GALNT17: variants seen among roughly 807,000 people sequenced by gnomAD.
The protein encoded by GALNT17 is UDP-GalNAc:polypeptide N-acetylgalactosaminyltransferase-like 3.
GALNT17 carries 29 observed loss-of-function variants against 63.7 expected under a neutral mutation model. The ratio of observed to expected loss-of-function variants is 0.46; its 90% CI spans 0.34 to 0.62. The LOEUF is 0.62. Among genes scored for constraint, GALNT17 ranks in the 20% least tolerant of loss-of-function variants. The pLI is 0.01. For missense variants in GALNT17, 603 were observed against 799.6 expected, an observed-to-expected ratio of 0.75 and a Z score of 2.97; for synonymous variants, 305 against 318.3, an observed-to-expected ratio of 0.96 and a Z score of 0.45.
At chr7:71,668,745 G>A (rs1791023358) in intron 7 of GALNT17, among the ~76,000 whole-genome samples, 1 of 152,052 alleles carries the variant, frequency 6.6e-6, no homozygotes, top group South Asian at 2.1e-4. Context: ...TGGCCATCTT[G>A]CAGCTGAGTC....
chr7:71,562,920 G>T (rs976661102), intron 5 of GALNT17, among the ~76,000 whole-genome samples: 1 of 152,150 alleles, frequency 6.6e-6, no homozygotes, highest in African/African-American at 2.4e-5. Flanking sequence ...AGGAGGGGAA[G>T]CATCTAGAAT....
chr7:71,627,580 G>A (rs1188340911), intron 6 of GALNT17, among the ~76,000 whole-genome samples: 5 of 152,142 alleles, frequency 3.3e-5, no homozygotes, highest in African/African-American at 1.2e-4. Flanking sequence ...GTACAACCAC[G>A]GCCTCCCCCT....
In GALNT17 at chr7:71,335,767, T is replaced by C. The variant is rs200340584; in HGVS notation, c.422+34T>C. 129 of 1,557,168 alleles carry C rather than the reference T, an allele frequency of 8.3e-5. No individual in the cohort carries two copies. The African/African-American group carries it at 1.6e-3, about 20-fold the overall frequency. On this transcript the variant is annotated intron_variant, in intron 2 of 10. Transcript: ENST00000333538. ...TGGTTCAGTCATTTGCGGAGCTTGA[T>C]GGGTCGTCAGAGTGGGTGTAGACCC...
At chr7:71,600,181 T>C (rs1789945095) in intron 6 of GALNT17, among the ~76,000 whole-genome samples, 1 of 149,780 alleles carries the variant, frequency 6.7e-6, no homozygotes, top group African/African-American at 2.5e-5. Flanking sequence ...GGAGCCACAG[T>C]GTATAAGCAG....
intron 5 of GALNT17, among the ~76,000 whole-genome samples, chr7:71,525,457 C>T (rs773206623): frequency 3.8e-4 from 58 of 152,226 alleles, no homozygotes; most frequent in Non-Finnish European, 2.5e-4. Flanking sequence ...CTGCCCTCCT[C>T]GGCCTCCCAA....
At chr7:71,149,142 A>G (rs764075744) in intron 1 of GALNT17, among the ~76,000 whole-genome samples, 9 of 151,730 alleles carry the variant, frequency 5.9e-5, no homozygotes, top group Non-Finnish European at 1.0e-4. Context: ...ACGCTCTCAA[A>G]CTCAGAGCTC....
At chr7:71,413,151 C>T (rs1405624816) in intron 3 of GALNT17, among the ~76,000 whole-genome samples, 2 of 152,160 alleles carry the variant, frequency 1.3e-5, no homozygotes, top group Non-Finnish European at 2.9e-5. Context: ...CAATTTTTCA[C>T]TTAGGTGTTT....
intron 3 of GALNT17, among the ~76,000 whole-genome samples, chr7:71,402,902 C>T (rs1793265131): frequency 6.6e-6 from 1 of 152,138 alleles, no homozygotes; most frequent in South Asian, 2.1e-4. Context: ...CATGCTTGGC[C>T]AGGCTCTCTT....
chr7:71,537,895 G>A (rs1335210599), intron 5 of GALNT17, among the ~76,000 whole-genome samples: 2 of 152,130 alleles, frequency 1.3e-5, no homozygotes. Flanking sequence ...TGGAGGCTGG[G>A]TTTGGGATTA....
intron 1 of GALNT17, among the ~76,000 whole-genome samples, chr7:71,319,362 T>C (rs1791563421): frequency 6.6e-6 from 1 of 152,124 alleles, no homozygotes; most frequent in Non-Finnish European, 1.5e-5. Context: ...TCTTGGAATC[T>C]ACCATTTCCA....
chr7:71,482,267 A>G (rs569901232), intron 5 of GALNT17, among the ~76,000 whole-genome samples: 50 of 151,578 alleles, frequency 3.3e-4, no homozygotes, highest in African/African-American at 9.7e-4. Context: ...CTCCTGCCTC[A>G]GCCTCCAGAG....
At position 71,338,358 on chromosome 7, in the gene GALNT17, A is replaced by AATAT. The variant is rs139286792; in HGVS notation, c.422+2637_422+2640dup. On this transcript the variant is annotated intron_variant, in intron 2 of 10. Coordinates refer to ENST00000333538, the MANE Select transcript of GALNT17 (RefSeq NM_022479.3). ...AAAATAAATAAATAAAAAATAAATA[A>AATAT]ATATATATATATATAAATTAGCCAG... 4.7e-3 allele frequency among the ~76,000 whole-genome samples: 698 copies of AATAT among 148,024 alleles called. 11 individuals are homozygous for AATAT. The highest frequency in any genetic ancestry group is 4.7e-3 in the Non-Finnish European group (312 of 67,038).
intron 6 of GALNT17, among the ~76,000 whole-genome samples, chr7:71,627,264 G>C (rs946245286): frequency 2.0e-5 from 3 of 152,134 alleles, no homozygotes; most frequent in African/African-American, 4.8e-5. Flanking sequence ...TCCCAAACCG[G>C]TGCTTCTGCA....
At chr7:71,444,869 TG>T (rs1364792630) in intron 5 of GALNT17, among the ~76,000 whole-genome samples, 2 of 152,128 alleles carry the variant, frequency 1.3e-5, no homozygotes, top group Admixed American at 1.3e-4. Flanking sequence ...TGAAAAAAAC[TG>T]GAGTTCATTT....
chr7:71,292,927 A>G (rs4719103), intron 1 of GALNT17, among the ~76,000 whole-genome samples: 119,024 of 151,932 alleles, frequency 0.78, 47,780 homozygotes, highest in Middle Eastern at 0.86. Context: ...GATATTTTTC[A>G]ATATGTGAGA....
At chr7:71,484,433 A>G (rs1288346164) in intron 5 of GALNT17, among the ~76,000 whole-genome samples, 3 of 152,144 alleles carry the variant, frequency 2.0e-5, no homozygotes, top group African/African-American at 7.2e-5. Context: ...GGCTGCAGTG[A>G]GATGAGATCG....
intron 1 of GALNT17, among the ~76,000 whole-genome samples, chr7:71,189,508 C>T (rs1209591706): frequency 6.6e-6 from 1 of 152,032 alleles, no homozygotes; most frequent in East Asian, 1.9e-4. Context: ...AGCTGGTGTG[C>T]AGGTCTCAGT....
intron 5 of GALNT17, among the ~76,000 whole-genome samples, chr7:71,512,032 GAGAC>G (rs1788365158): frequency 2.5e-5 from 1 of 40,708 alleles, no homozygotes; most frequent in African/African-American, 1.3e-4. Context: ...TTTTTTTTTT[GAGAC>G]AGAGTTTCAC....
chr7:71,658,356 C>T (rs1048728803), intron 6 of GALNT17, among the ~76,000 whole-genome samples: 8 of 152,180 alleles, frequency 5.3e-5, no homozygotes, highest in Non-Finnish European at 2.9e-5. Flanking sequence ...TGTCTTCTTC[C>T]AGGACATCAG....
Sources: allele counts gnomAD v4.1 joint callset (sites outside exome capture counted in the v4.1 genomes callset), GRCh38; gene constraint gnomAD v4.1.1; transcripts MANE v1.5; gene names NCBI Gene and HGNC (gene_info 2026-07-23, HGNC 2026-07-21).